PCSK2: variants seen among roughly 807,000 people sequenced by gnomAD.
PCSK2 encodes the protein proprotein convertase subtilisin/kexin type 2.
PCSK2 carries 14 observed loss-of-function variants against 69.7 expected under a neutral mutation model. That is an observed-to-expected ratio of 0.20 (90% CI 0.13 to 0.31). The LOEUF (loss-of-function observed/expected upper bound fraction) is 0.31. Ranked by LOEUF, PCSK2 falls within the 10% of genes least tolerant of loss-of-function variation. The pLI is 1.00. For synonymous variants in PCSK2, 307 were observed against 320.7 expected, an observed-to-expected ratio of 0.96 and a Z score of 0.46; for missense variants, 544 against 842.5, an observed-to-expected ratio of 0.65 and a Z score of 4.39.
intron 2 of PCSK2, among the ~76,000 whole-genome samples, chr20:17,283,600 G>C (rs555104788): frequency 1.4e-4 from 21 of 152,150 alleles, no homozygotes; most frequent in Non-Finnish European, 4.4e-5. Context: ...AGATTTCTTA[G>C]GTCAGGCCTA....
At position 17,260,329 on chromosome 20, in the gene PCSK2, G is replaced by A. The variant is rs745618943; in HGVS notation, c.267G>A (p.Leu89=). The A allele has an allele frequency of 1.2e-5, 19 of 1,612,176 alleles. No individual in the cohort carries two copies. The highest frequency in any genetic ancestry group is 1.5e-5 in the Non-Finnish European group (18 of 1,178,246). ...RRRSLHHKQQ[L]ERDPRVKMAL... ...GCAGCCTACACCACAAGCAGCAGCTGGAGAGAGACCCCAGGGTGAGTTTTC... is the reference window on the plus strand; with the variant it reads ...GCAGCCTACACCACAAGCAGCAGCTAGAGAGAGACCCCAGGGTGAGTTTTC... Residue 89 remains leucine, a synonymous_variant, in exon 2 of 12, where the codon CTG becomes CTA. Coordinates refer to ENST00000262545, the MANE Select transcript of PCSK2 (RefSeq NM_002594.5).
chr20:17,349,867 A>G (rs1195481030), intron 2 of PCSK2, among the ~76,000 whole-genome samples: 1 of 152,140 alleles, frequency 6.6e-6, no homozygotes, highest in Non-Finnish European at 1.5e-5. Flanking sequence ...CATCCCTAGC[A>G]ACTCTCAGTT....
intron 2 of PCSK2, among the ~76,000 whole-genome samples, chr20:17,282,427 A>T (rs2123048422): frequency 6.6e-6 from 1 of 152,278 alleles, no homozygotes; most frequent in Non-Finnish European, 1.5e-5. Flanking sequence ...GATTTATTTC[A>T]TTGGTTGTGC....
In PCSK2 at chr20:17,450,441, G is replaced by C. The variant is rs1481258998; in HGVS notation, c.886-3301G>C. On this transcript the variant is annotated intron_variant, in intron 8 of 11. Coordinates refer to ENST00000262545, the MANE Select transcript of PCSK2 (RefSeq NM_002594.5). ...GTACTTAACAAGTCCCTGGCATGTA[G>C]TAAGTGCTATGGAAATGCTTGCTGT... Among the ~76,000 whole-genome samples, 4 of 152,198 alleles carry C rather than the reference G, an allele frequency of 2.6e-5. No homozygotes were observed. The South Asian group carries it at 6.2e-4, about 24-fold the overall frequency.
chr20:17,314,452 C>T (rs538804825), intron 2 of PCSK2, among the ~76,000 whole-genome samples: 2 of 152,278 alleles, frequency 1.3e-5, no homozygotes, highest in East Asian at 3.9e-4. Context: ...GTAGAAACCT[C>T]ATTGGTTTGG....
chr20:17,481,266 T>G (rs6080709), intron 11 of PCSK2, among the ~76,000 whole-genome samples: 3 of 151,276 alleles, frequency 2.0e-5, no homozygotes, highest in Admixed American at 6.6e-5. Context: ...CCTGTAACCC[T>G]GGCTACTGGG....
At chr20:17,241,560 G>A (rs1048202446) in intron 1 of PCSK2, among the ~76,000 whole-genome samples, 1 of 152,192 alleles carries the variant, frequency 6.6e-6, no homozygotes, top group African/African-American at 2.4e-5. Flanking sequence ...GCAACAAGTA[G>A]CACATCATTT....
intron 5 of PCSK2, among the ~76,000 whole-genome samples, chr20:17,371,596 C>A (rs929395009): frequency 6.6e-6 from 1 of 152,088 alleles, no homozygotes; most frequent in Non-Finnish European, 1.5e-5. Flanking sequence ...AAAACAGATT[C>A]AAAACTAGCC....
intron 2 of PCSK2, among the ~76,000 whole-genome samples, chr20:17,315,823 C>T (rs578072111): frequency 6.6e-6 from 1 of 152,194 alleles, no homozygotes; most frequent in Non-Finnish European, 1.5e-5. Context: ...TCATTCTGTC[C>T]CGGTGCTTCA....
At chr20:17,467,866 T>C (rs1353385893) in intron 11 of PCSK2, among the ~76,000 whole-genome samples, 1 of 152,260 alleles carries the variant, frequency 6.6e-6, no homozygotes, top group Non-Finnish European at 1.5e-5. Flanking sequence ...TGAACACTTC[T>C]AGCTTACACC....
chr20:17,437,227 C>T (rs1341642661), intron 8 of PCSK2, among the ~76,000 whole-genome samples: 5 of 152,356 alleles, frequency 3.3e-5, no homozygotes, highest in African/African-American at 1.2e-4. Flanking sequence ...CCACCACCCA[C>T]TCAGTCGTTG....
intron 1 of PCSK2, among the ~76,000 whole-genome samples, chr20:17,247,361 A>C (rs1453117900): frequency 6.6e-6 from 1 of 152,242 alleles, no homozygotes; most frequent in African/African-American, 2.4e-5. Flanking sequence ...ATGGACAAGC[A>C]ATTATCAACT....
At chr20:17,432,484 A>G (rs1208524098) in intron 7 of PCSK2, among the ~76,000 whole-genome samples, 1 of 152,220 alleles carries the variant, frequency 6.6e-6, no homozygotes, top group Non-Finnish European at 1.5e-5. Flanking sequence ...TAAATTTTGA[A>G]GAAAAATATT....
intron 2 of PCSK2, among the ~76,000 whole-genome samples, chr20:17,277,057 T>G (rs555002897): frequency 2.0e-5 from 3 of 151,774 alleles, no homozygotes; most frequent in South Asian, 4.2e-4. Flanking sequence ...CACTGCTCAA[T>G]GAAATAAAAG....
chr20:17,479,360 T>C (rs16999267), intron 11 of PCSK2: 90,534 of 710,026 alleles, frequency 0.13, 6,001 homozygotes, highest in East Asian at 0.2. Flanking sequence ...CGTCTGCACA[T>C]TCTTTGACAA....
At chr20:17,312,082 C>T (rs1455461653) in intron 2 of PCSK2, among the ~76,000 whole-genome samples, 5 of 152,286 alleles carry the variant, frequency 3.3e-5, no homozygotes, top group East Asian at 3.9e-4. Flanking sequence ...ACTGCAAACA[C>T]GTCATTTCAT....
At chr20:17,288,954 C>A (rs934382607) in intron 2 of PCSK2, among the ~76,000 whole-genome samples, 1 of 152,102 alleles carries the variant, frequency 6.6e-6, no homozygotes, top group African/African-American at 2.4e-5. Flanking sequence ...AAAGGCTATC[C>A]GCAAAGGAAA....
At chr20:17,410,439 C>A (rs905511894) in intron 6 of PCSK2, among the ~76,000 whole-genome samples, 2 of 152,164 alleles carry the variant, frequency 1.3e-5, no homozygotes, top group Non-Finnish European at 2.9e-5. Flanking sequence ...TGACCTGAGA[C>A]CCCTCAGTCT....
At chr20:17,360,141 G>A (rs550770948) in intron 3 of PCSK2, among the ~76,000 whole-genome samples, 2 of 152,172 alleles carry the variant, frequency 1.3e-5, no homozygotes, top group Non-Finnish European at 2.9e-5. Flanking sequence ...AAAACAATAT[G>A]CTGTAAATTC....
Sources: allele counts gnomAD v4.1 joint callset (sites outside exome capture counted in the v4.1 genomes callset), GRCh38; gene constraint gnomAD v4.1.1; transcripts MANE v1.5; gene names NCBI Gene and HGNC (gene_info 2026-07-23, HGNC 2026-07-21).